The following STXBP5 variants were observed in gnomAD, a reference collection of about 807,000 sequenced individuals.
STXBP5 encodes the protein syntaxin binding protein 5.
STXBP5 carries 50 observed loss-of-function variants against 152.4 expected under a neutral mutation model. The ratio of observed to expected loss-of-function variants is 0.33; its 90% CI spans 0.26 to 0.42. The LOEUF is 0.42. STXBP5 is among the 10% of genes least tolerant of loss of function. The probability of loss-of-function intolerance (pLI) is 1.00; values close to 1 mark genes in which losing one functional copy is unlikely to be tolerated. For synonymous variants in STXBP5, 492 were observed against 494.7 expected, an observed-to-expected ratio of 0.99 and a Z score of 0.07; for missense variants, 1,167 against 1,388.6, an observed-to-expected ratio of 0.84 and a Z score of 2.54.
intron 2 of STXBP5, among the ~76,000 whole-genome samples, chr6:147,212,690 G>A (rs1026661908): frequency 3.9e-5 from 6 of 152,064 alleles, no homozygotes; most frequent in South Asian, 4.1e-4. Context: ...ATACCATTGC[G>A]GCTCCCTCAG....
In STXBP5 at chr6:147,316,172, G is replaced by A. The variant is rs1782634143; in HGVS notation, c.1624-57G>A. ...GTGTGTGTGTATGTGTGTATAAATT[G>A]TGATAAAATGAGCAATAATTATTAG... On this transcript the variant is annotated intron_variant, in intron 15 of 27. Transcript: ENST00000321680. 2.6e-6 allele frequency: 4 copies of A among 1,524,910 alleles called. No homozygotes were observed. In the East Asian group the frequency reaches 9.1e-5, roughly 35 times the overall value. The allele number at this position is 1,524,910 out of a possible 1,614,324, so 94.5% of individuals were successfully genotyped here. A position where few individuals can be genotyped will look rare whatever the true frequency, so the allele number is the denominator to read the frequency against.
At chr6:147,336,010 C>CA (rs560593487) in intron 19 of STXBP5, among the ~76,000 whole-genome samples, 2 of 152,112 alleles carry the variant, frequency 1.3e-5, no homozygotes, top group Admixed American at 1.3e-4. Context: ...ATTGCGACTT[C>CA]AAAAAATCAT....
intron 2 of STXBP5, 27 bp downstream of exon 2, chr6:147,206,095 A>G (rs778250805): frequency 5.0e-6 from 8 of 1,593,276 alleles, no homozygotes; most frequent in Non-Finnish European, 6.0e-6. Context: ...TTTATTTTTT[A>G]ACTTCTACTT....
intron 18 of STXBP5, among the ~76,000 whole-genome samples, chr6:147,331,055 C>G (rs1783544220): frequency 6.6e-6 from 1 of 152,182 alleles, no homozygotes; most frequent in South Asian, 2.1e-4. Flanking sequence ...AACCATGGTA[C>G]TGGATTAATG....
chr6:147,214,793 G>C (rs1384182231), intron 2 of STXBP5, among the ~76,000 whole-genome samples: 1 of 152,128 alleles, frequency 6.6e-6, no homozygotes, highest in African/African-American at 2.4e-5. Context: ...AAAAAATACC[G>C]TGCAGTCCAA....
intron 19 of STXBP5, among the ~76,000 whole-genome samples, chr6:147,336,064 T>C (rs1783812575): frequency 6.6e-6 from 1 of 152,206 alleles, no homozygotes; most frequent in South Asian, 2.1e-4. Context: ...AAACCTTTGT[T>C]TAGGCTTTGA....
chr6:147,259,087 A>G (rs1441386026), intron 4 of STXBP5, among the ~76,000 whole-genome samples: 1 of 152,158 alleles, frequency 6.6e-6, no homozygotes, highest in Non-Finnish European at 1.5e-5. Context: ...GGTGCTTTGT[A>G]CAAATACACT....
At chr6:147,212,122 A>G (rs1046246906) in intron 2 of STXBP5, among the ~76,000 whole-genome samples, 1 of 152,232 alleles carries the variant, frequency 6.6e-6, no homozygotes, top group Non-Finnish European at 1.5e-5. Flanking sequence ...AGCAGGAGGA[A>G]TAGGCACATT....
At chr6:147,361,948 G>A (rs1282085352) in intron 23 of STXBP5, among the ~76,000 whole-genome samples, 1 of 152,150 alleles carries the variant, frequency 6.6e-6, no homozygotes, top group African/African-American at 2.4e-5. Flanking sequence ...GCTTAAAATA[G>A]TGAAATTATC....
At chr6:147,318,972 G>A (rs1392072395) in intron 16 of STXBP5, among the ~76,000 whole-genome samples, 1 of 152,048 alleles carries the variant, frequency 6.6e-6, no homozygotes, top group African/African-American at 2.4e-5. Context: ...CTTCTTTTAA[G>A]TTGGTGTTTG....
intron 16 of STXBP5, among the ~76,000 whole-genome samples, chr6:147,323,553 G>A (rs972340930): frequency 6.6e-6 from 1 of 151,898 alleles, no homozygotes; most frequent in Non-Finnish European, 1.5e-5. Flanking sequence ...CACCACACCC[G>A]GGTAATTTTT....
chr6:147,305,325 T>C (rs1017250366), intron 9 of STXBP5, among the ~76,000 whole-genome samples: 11 of 152,258 alleles, frequency 7.2e-5, no homozygotes, highest in African/African-American at 2.7e-4. Context: ...AACATGTATT[T>C]AGACAAGTAC....
intron 25 of STXBP5, among the ~76,000 whole-genome samples, chr6:147,366,392 A>G (rs1171305166): frequency 2.0e-5 from 3 of 152,212 alleles, no homozygotes; most frequent in Non-Finnish European, 4.4e-5. Context: ...TGGTGGCTAA[A>G]ACCAGTAGAA....
intron 4 of STXBP5, among the ~76,000 whole-genome samples, chr6:147,257,332 CAATTT>C (rs1319098306): frequency 2.0e-5 from 3 of 151,678 alleles, no homozygotes; most frequent in Non-Finnish European, 4.4e-5. Context: ...TTTTCAGTCT[CAATTT>C]AATATGCTGT....
At chr6:147,376,846 G>A (rs1785833646) in intron 26 of STXBP5, among the ~76,000 whole-genome samples, 1 of 151,820 alleles carries the variant, frequency 6.6e-6, no homozygotes, top group Admixed American at 6.6e-5. Context: ...AAACAGAAAT[G>A]TACATTGTTT....
chr6:147,215,254 A>G (rs942014951), intron 2 of STXBP5, among the ~76,000 whole-genome samples: 3 of 152,272 alleles, frequency 2.0e-5, no homozygotes, highest in Non-Finnish European at 4.4e-5. Context: ...TTTAAAGGAT[A>G]TACAGAGAAG....
intron 2 of STXBP5, among the ~76,000 whole-genome samples, chr6:147,220,210 G>A (rs967634622): frequency 6.6e-6 from 1 of 151,858 alleles, no homozygotes; most frequent in Admixed American, 6.6e-5. Context: ...TCGATTTCTA[G>A]TTTACTTCCA....
chr6:147,310,313 T>C, intron 10 of STXBP5, 75 bp downstream of exon 10: 1 of 1,143,308 alleles, frequency 8.7e-7, no homozygotes, highest in Non-Finnish European at 1.1e-6. Flanking sequence ...CTAGGTTGTT[T>C]AGATAAAACT....
intron 4 of STXBP5, among the ~76,000 whole-genome samples, chr6:147,257,485 A>G (rs141462092): frequency 2.6e-3 from 390 of 152,128 alleles, no homozygotes; most frequent in Middle Eastern, 0.01. Context: ...CACCAGCACT[A>G]CAAAACTTAA....
Sources: gnomAD v4.1 joint callset for allele counts (sites outside exome capture counted in the v4.1 genomes callset) on GRCh38, gnomAD v4.1.1 for gene constraint, MANE v1.5 for transcripts, NCBI Gene and HGNC (gene_info 2026-07-23, HGNC 2026-07-21) for gene names.